TSPAN32: variants seen among roughly 807,000 people sequenced by gnomAD.
The protein encoded by TSPAN32 is tetraspanin 32.
A neutral mutation model predicts 42.7 loss-of-function variants in TSPAN32; 47 were observed. The ratio of observed to expected loss-of-function variants is 1.10; its 90% CI spans 0.87 to 1.40. The LOEUF (loss-of-function observed/expected upper bound fraction) is 1.40. Ranked by LOEUF, TSPAN32 falls within the 40% of genes most tolerant of loss-of-function variation. TSPAN32 has a pLI of 0.00. For synonymous variants in TSPAN32, 175 were observed against 175.9 expected (o/e 0.99, Z 0.04); for missense variants, 469 against 424.1 (o/e 1.11, Z -0.93).
In TSPAN32 at chr11:2,308,734, AG is replaced by A. The variant is rs754165101; in HGVS notation, c.281del. On this transcript the variant is annotated splice_acceptor_variant, in intron 3 of 9. Transcript: ENST00000182290. LOFTEE classifies it high-confidence loss of function. ...CAGTGACCAGCCCCGCTCTGCCCCCAGGGCTTCCTGTGCTTCTCCCTGGCGT... is the reference window on the plus strand; with the variant it reads ...CAGTGACCAGCCCCGCTCTGCCCCCAGGCTTCCTGTGCTTCTCCCTGGCGT... 6.5e-7 allele frequency: 1 copy of A among 1,540,834 alleles called. No homozygotes were observed. The highest frequency in any genetic ancestry group is 8.7e-7 in the Non-Finnish European group (1 of 1,143,824).
chr11:2,309,505 G>A (rs1348088634), intron 4 of TSPAN32: 1 of 385,464 alleles, frequency 2.6e-6, no homozygotes, highest in Middle Eastern at 6.6e-4. Flanking sequence ...TTGAGAGCCA[G>A]ACCTGGTGAG....
chr11:2,310,152 A>C (rs1253355181), intron 4 of TSPAN32: 1 of 152,216 alleles, frequency 6.6e-6, no homozygotes, highest in Non-Finnish European at 1.5e-5. Context: ...TCTGGGTCAC[A>C]GTGTGGGTGG....
intron 4 of TSPAN32, among the ~76,000 whole-genome samples, chr11:2,311,824 T>C (rs1384347210): frequency 6.6e-6 from 1 of 152,150 alleles, no homozygotes; most frequent in East Asian, 1.9e-4. Flanking sequence ...GGCCCCAGGC[T>C]CCTTCAGAGC....
At chr11:2,310,448 C>G (rs1848398146) in intron 4 of TSPAN32, among the ~76,000 whole-genome samples, 1 of 152,192 alleles carries the variant, frequency 6.6e-6, no homozygotes, top group African/African-American at 2.4e-5. Context: ...CCCAGCTGCC[C>G]TTCAGGGGTC....
chr11:2,314,621 C>A, intron 6 of TSPAN32, 50 bp downstream of exon 6: 1 of 1,486,050 alleles, frequency 6.7e-7, no homozygotes, highest in Non-Finnish European at 9.2e-7. Context: ...GGGGGCTGGA[C>A]ACCCTGGGGC....
intron 6 of TSPAN32, 62 bp downstream of exon 6, chr11:2,314,633 C>G: frequency 7.2e-7 from 1 of 1,383,654 alleles, no homozygotes; most frequent in Non-Finnish European, 1.0e-6. Flanking sequence ...CCCTGGGGCC[C>G]AACCCCAAGA....
chr11:2,317,586 G>A lies in TSPAN32; in HGVS notation c.901+61G>A, dbSNP rs1848884350. The A allele has an allele frequency of 6.6e-7, 1 of 1,518,504 alleles. No homozygotes were observed. The allele number at this position is 1,518,504 out of a possible 1,614,324, so 94.1% of individuals were successfully genotyped here. A position where few individuals can be genotyped will look rare whatever the true frequency, so the allele number is the denominator to read the frequency against. On this transcript the variant is annotated intron_variant, in intron 9 of 9. Transcript: ENST00000182290. The surrounding 1 kb of genome is among the most constrained non-coding windows in gnomAD (Gnocchi z 6.2). ...CCTGAGGGGAGGGTCCGAGCTGTGA[G>A]GAGGGAAGGGAGTGAAGGCCCAGCC... is the stretch of plus-strand genomic sequence containing the variant.
At chr11:2,302,521 C>T (rs1370283634) in intron 1 of TSPAN32, among the ~76,000 whole-genome samples, 2 of 152,182 alleles carry the variant, frequency 1.3e-5, no homozygotes, top group Non-Finnish European at 2.9e-5. Context: ...GATCTTCTCC[C>T]CTTCCTGCCC....
intron 3 of TSPAN32, among the ~76,000 whole-genome samples, chr11:2,306,128 G>T (rs547576638): frequency 6.6e-6 from 1 of 151,920 alleles, no homozygotes; most frequent in Non-Finnish European, 1.5e-5. Context: ...TGGTGTCTGC[G>T]TGTTGCATCT....
intron 7 of TSPAN32, 95 bp from the exon 8 acceptor site, chr11:2,316,481 G>A (rs1351261076): frequency 1.3e-6 from 2 of 1,594,194 alleles, no homozygotes; most frequent in Admixed American, 3.5e-5. Context: ...TCCTACAGCT[G>A]GGCCGCCCCC....
At chr11:2,306,452 C>A (rs1233329663) in intron 3 of TSPAN32, among the ~76,000 whole-genome samples, 2 of 151,998 alleles carry the variant, frequency 1.3e-5, no homozygotes, top group Non-Finnish European at 2.9e-5. Flanking sequence ...ACCTGACCAC[C>A]CAGCAGCCTC....
At chr11:2,311,182 G>A (rs1589809545) in intron 4 of TSPAN32, among the ~76,000 whole-genome samples, 1 of 152,184 alleles carries the variant, frequency 6.6e-6, no homozygotes, top group African/African-American at 2.4e-5. Context: ...GGACAGAGGA[G>A]GGAAGGGACC....
intron 4 of TSPAN32, among the ~76,000 whole-genome samples, chr11:2,311,741 G>T (rs749976239): frequency 6.6e-6 from 1 of 152,238 alleles, no homozygotes; most frequent in Non-Finnish European, 1.5e-5. Context: ...AAGCCCCCGG[G>T]CACCGGAAGA....
intron 5 of TSPAN32, among the ~76,000 whole-genome samples, chr11:2,314,279 C>A (rs558889817): frequency 6.6e-6 from 1 of 152,204 alleles, no homozygotes; most frequent in East Asian, 1.9e-4. Flanking sequence ...AGGCAGGCAG[C>A]GCAGCTTGAG....
chr11:2,302,330 T>C, intron 1 of TSPAN32, 115 bp downstream of exon 1: 4 of 1,170,400 alleles, frequency 3.4e-6, no homozygotes, highest in Non-Finnish European at 3.4e-6. Flanking sequence ...AGCCCTACTG[T>C]CCCTGTCCTG....
chr11:2,307,968 G>T (rs1848212965), intron 3 of TSPAN32, among the ~76,000 whole-genome samples: 4 of 152,142 alleles, frequency 2.6e-5, no homozygotes. Context: ...AGAAAAGAAG[G>T]CAAAACAGAA....
Position 2,304,712 on chromosome 11 carries a change from G to T in TSPAN32, c.279+508G>T, listed in dbSNP as rs1042624624. On this transcript the variant is annotated intron_variant, in intron 3 of 9. Transcript: ENST00000182290. This position sits in a 1 kb window ranked among gnomAD's most constrained non-coding sequence, Gnocchi z 4.8. ...ACTCTCCTTCCCAGCTGCCGGAGGT[G>T]TCTCCCCAGCCCCGAGGTCCCATAG... Among the ~76,000 whole-genome samples, 1 of 151,786 alleles carries T rather than the reference G, an allele frequency of 6.6e-6. No individual in the cohort carries two copies. The highest frequency in any genetic ancestry group is 1.5e-5 in the Non-Finnish European group (1 of 67,920).
intron 1 of TSPAN32, 62 bp from the exon 2 acceptor site, chr11:2,302,782 G>A (rs747420712): frequency 7.0e-7 from 1 of 1,435,040 alleles, no homozygotes; most frequent in Non-Finnish European, 9.7e-7. Context: ...GCCCGCTGGG[G>A]CCGAGCTCCC....
Position 2,303,172 on chromosome 11 carries a change from G to A in TSPAN32, c.181+214G>A, listed in dbSNP as rs113714297. 1,523 of 566,672 alleles carry A rather than the reference G, an allele frequency of 2.7e-3. 20 individuals are homozygous for A. The highest frequency in any genetic ancestry group is 0.026 in the African/African-American group (1,355 of 52,894). The allele number at this position is 566,672 out of a possible 1,614,324, so 35.1% of individuals were successfully genotyped here. A position where few individuals can be genotyped will look rare whatever the true frequency, so the allele number is the denominator to read the frequency against. ...CAGCCAGTGTTCCTGCCTGGTTCTC[G>A]TGCCCCACAGGAGCGTGGGCACAGT... On this transcript the variant is annotated intron_variant, in intron 2 of 9. Transcript: ENST00000182290.
Sources: gnomAD v4.1 joint callset for allele counts (sites outside exome capture counted in the v4.1 genomes callset) on GRCh38, gnomAD v4.1.1 for gene constraint, Gnocchi (gnomAD v3.1) non-coding constraint, MANE v1.5 for transcripts, NCBI Gene and HGNC (gene_info 2026-07-23, HGNC 2026-07-21) for gene names.